Variants in MGMT observed in about 807,000 individuals in gnomAD.
MGMT encodes methylated-DNA--protein-cysteine methyltransferase.
Under a neutral mutation model 15.9 loss-of-function variants are expected in MGMT, and 14 were observed. That is an observed-to-expected ratio of 0.88 (90% CI 0.58 to 1.37). MGMT has a LOEUF of 1.37. Among genes scored for constraint, MGMT ranks in the 40% most tolerant of loss-of-function variants. MGMT has a pLI of 0.00. For synonymous variants in MGMT, 130 were observed against 118.2 expected (o/e 1.10, Z -0.65); for missense variants, 282 against 268.1 (o/e 1.05, Z -0.36).
At chr10:129,572,586 A>T (rs1255344779) in intron 2 of MGMT, among the ~76,000 whole-genome samples, 2 of 152,234 alleles carry the variant, frequency 1.3e-5, no homozygotes, top group Non-Finnish European at 2.9e-5. Flanking sequence ...TGTGGAAGTC[A>T]AGCATACTGA....
chr10:129,470,676 G>A (rs1418243851), intron 1 of MGMT, among the ~76,000 whole-genome samples: 2 of 152,172 alleles, frequency 1.3e-5, no homozygotes, highest in Non-Finnish European at 2.9e-5. Flanking sequence ...AGCTCCTCCA[G>A]CTAAGTAACT....
At chr10:129,513,564 G>T (rs1845706935) in intron 1 of MGMT, among the ~76,000 whole-genome samples, 1 of 152,130 alleles carries the variant, frequency 6.6e-6, no homozygotes, top group Non-Finnish European at 1.5e-5. Context: ...GTCTAGGAGT[G>T]CAGGGGTGTG....
chr10:129,536,531 G>A (rs1264478638), intron 2 of MGMT, 154 bp downstream of exon 2: 2 of 894,864 alleles, frequency 2.2e-6, no homozygotes, highest in Non-Finnish European at 3.2e-6. Context: ...ACAGTGTGCT[G>A]CGACGGCTCC....
intron 1 of MGMT, among the ~76,000 whole-genome samples, chr10:129,510,236 A>T (rs57340816): frequency 0.068 from 10,415 of 152,210 alleles, 1,199 homozygotes; most frequent in African/African-American, 0.24. Flanking sequence ...AGGCTAAAAT[A>T]TAACATAGTT....
At chr10:129,515,198 C>T (rs928045514) in intron 1 of MGMT, among the ~76,000 whole-genome samples, 4 of 152,222 alleles carry the variant, frequency 2.6e-5, no homozygotes, top group East Asian at 1.9e-4. Flanking sequence ...CCTGGTGTCT[C>T]GTCTGAGAGG....
intron 1 of MGMT, among the ~76,000 whole-genome samples, chr10:129,509,297 C>T (rs2119692833): frequency 6.6e-6 from 1 of 152,312 alleles, no homozygotes; most frequent in Non-Finnish European, 1.5e-5. Context: ...TGCCGCCGTT[C>T]ACAGGATGCC....
At chr10:129,581,143 G>C (rs1399666394) in intron 2 of MGMT, among the ~76,000 whole-genome samples, 1 of 152,210 alleles carries the variant, frequency 6.6e-6, no homozygotes. Flanking sequence ...GCTGCAGTGT[G>C]AGTTGCACAC....
intron 1 of MGMT, among the ~76,000 whole-genome samples, chr10:129,487,766 A>G (rs1845423540): frequency 2.0e-5 from 3 of 150,788 alleles, no homozygotes; most frequent in Admixed American, 2.0e-4. Context: ...CTGCATTTTC[A>G]TTTTCTTTAT....
At chr10:129,705,141 G>A (rs1363673261) in intron 2 of MGMT, among the ~76,000 whole-genome samples, 1 of 152,202 alleles carries the variant, frequency 6.6e-6, no homozygotes, top group East Asian at 1.9e-4. Context: ...CGCAGACGCA[G>A]GCCCATGGCC....
Position 129,766,987 on chromosome 10 carries a change from G to T in MGMT, c.614G>T (p.Gly205Val). Residue 205 changes from glycine (G) to valine (V), a missense_variant, in exon 5 of 5, where the codon GGC becomes GTC. Gly to Val is a moderately radical substitution (Grantham distance 109, BLOSUM62 -3). Coordinates refer to ENST00000651593, the MANE Select transcript of MGMT (RefSeq NM_002412.5). The part of the protein sequence containing the change: ...AGATSGSPPA[G>V]RN ...GCTACCTCGGGCTCCCCGCCTGCTG[G>T]CCGAAACTGAGTATGTGCAGTAGGA... The T allele has an allele frequency of 6.2e-7, 1 of 1,600,230 alleles. No individual in the cohort carries two copies. Among genetic ancestry groups the T allele is most frequent in the Non-Finnish European group, 8.5e-7 (1 of 1,173,398 alleles).
intron 2 of MGMT, among the ~76,000 whole-genome samples, chr10:129,656,870 G>A (rs1847529935): frequency 6.6e-6 from 1 of 152,088 alleles, no homozygotes; most frequent in Non-Finnish European, 1.5e-5. Flanking sequence ...TAGTAATTTG[G>A]GGGCCCCAAG....
At chr10:129,759,060 A>G in intron 3 of MGMT, 142 bp from the exon 4 acceptor site, 1 of 1,025,740 alleles carries the variant, frequency 9.7e-7, no homozygotes, top group Non-Finnish European at 1.4e-6. Context: ...TGGTGGCAGC[A>G]GTGCATGGAG....
rs371386212 is a variant in MGMT, at chr10:129,502,544, TA to T, written c.-12-33687del. On this transcript the variant is annotated intron_variant, in intron 1 of 4. Transcript: ENST00000651593. ...GTTTTATTTTGCCTTAAAAAATGAG[TA>T]AAAAAAAAATGTGGCTCACATATGC... Among the ~76,000 whole-genome samples, 1,007 of 149,138 alleles carry T rather than the reference TA, an allele frequency of 6.8e-3. 10 individuals carry two copies. The highest frequency in any genetic ancestry group is 0.024 in the Middle Eastern group (7 of 292).
At chr10:129,562,190 C>G (rs947657635) in intron 2 of MGMT, among the ~76,000 whole-genome samples, 1 of 152,196 alleles carries the variant, frequency 6.6e-6, no homozygotes, top group Non-Finnish European at 1.5e-5. Flanking sequence ...TCAAAACACT[C>G]CGTCACCATT....
chr10:129,539,433 T>G (rs1260454677), intron 2 of MGMT, among the ~76,000 whole-genome samples: 2 of 152,240 alleles, frequency 1.3e-5, no homozygotes, highest in Non-Finnish European at 1.5e-5. Context: ...CTCTGTTTGG[T>G]TCAGCCTACC....
chr10:129,715,093 C>A (rs962070837), intron 3 of MGMT, among the ~76,000 whole-genome samples: 1 of 152,176 alleles, frequency 6.6e-6, no homozygotes, highest in African/African-American at 2.4e-5. Context: ...GTTTGAGAGT[C>A]AGCCACTTCC....
rs941924795 is a variant in MGMT, at chr10:129,770,807, G to A, written c.*3810G>A. Reference sequence around the variant, plus strand: ...GCTGGGATGTCCTCGGGCCTCCCCTGTTTGTCTGCATGTCTTCTTGTTGCC... The same window carrying A: ...GCTGGGATGTCCTCGGGCCTCCCCTATTTGTCTGCATGTCTTCTTGTTGCC... On this transcript the variant is annotated 3_prime_UTR_variant, in exon 5 of 5. Transcript: ENST00000651593. 4.6e-5 allele frequency among the ~76,000 whole-genome samples: 7 copies of A among 152,162 alleles called. No individual in the cohort carries two copies. Among genetic ancestry groups the A allele is most frequent in the Admixed American group, 2.0e-4 (3 of 15,278 alleles).
intron 3 of MGMT, among the ~76,000 whole-genome samples, chr10:129,724,363 A>G (rs1216076396): frequency 1.3e-5 from 2 of 152,198 alleles, no homozygotes; most frequent in Non-Finnish European, 2.9e-5. Context: ...GAAAAGTTAG[A>G]AGAGGAACTG....
intron 2 of MGMT, among the ~76,000 whole-genome samples, chr10:129,606,474 C>T (rs1419497899): frequency 6.6e-6 from 1 of 152,208 alleles, no homozygotes; most frequent in African/African-American, 2.4e-5. Flanking sequence ...CCTGAGGTCT[C>T]TGTAAACATG....
Sources: gnomAD v4.1 joint callset for allele counts (sites outside exome capture counted in the v4.1 genomes callset) on GRCh38, gnomAD v4.1.1 for gene constraint, MANE v1.5 for transcripts, NCBI Gene and HGNC (gene_info 2026-07-23, HGNC 2026-07-21) for gene names.